TFEC: variants seen among roughly 807,000 people sequenced by gnomAD.
The protein encoded by TFEC is class E basic helix-loop-helix protein 34.
A neutral mutation model predicts 41.6 loss-of-function variants in TFEC; 31 were observed. The ratio of observed to expected loss-of-function variants is 0.74; its 90% CI spans 0.56 to 1.01. TFEC has a LOEUF of 1.01. TFEC is among the 50% of genes least tolerant of loss of function. The probability of loss-of-function intolerance (pLI) is 0.00; values close to 1 mark genes in which losing one functional copy is unlikely to be tolerated. For missense variants in TFEC, 402 were observed against 404.1 expected, an observed-to-expected ratio of 0.99 and a Z score of 0.04; for synonymous variants, 143 against 140.6, an observed-to-expected ratio of 1.02 and a Z score of -0.12.
chr7:116,107,139 C>CTT (rs1249208265), intron 3 of TFEC, among the ~76,000 whole-genome samples: 1 of 152,104 alleles, frequency 6.6e-6, no homozygotes, highest in Admixed American at 6.6e-5. Context: ...GAAGACTTAA[C>CTT]TAAGACAAGA....
At chr7:116,098,867 A>AAAGGAAGGAAGGAAGGAAGGAAGG (rs59276209) in intron 3 of TFEC, among the ~76,000 whole-genome samples, 8 of 115,114 alleles carry the variant, frequency 6.9e-5, no homozygotes, top group East Asian at 2.6e-4. Flanking sequence ...GAGAGGAAGA[A>AAAGGAAGGAAGGAAGGAAGGAAGG]AAGGAAGGAA....
chr7:116,060,069 C>T (rs994505692), intron 3 of TFEC, among the ~76,000 whole-genome samples: 4 of 152,032 alleles, frequency 2.6e-5, no homozygotes, highest in East Asian at 1.9e-4. Flanking sequence ...AAAAACCCAA[C>T]TGAATCTACA....
At chr7:116,120,157 G>C (rs1160950591) in intron 1 of TFEC, 1 of 151,880 alleles carries the variant, frequency 6.6e-6, no homozygotes, top group East Asian at 1.9e-4. Context: ...TGGTATAACA[G>C]GGAGTCAAAT....
At chr7:116,106,160 C>A (rs1204801874) in intron 3 of TFEC, among the ~76,000 whole-genome samples, 1 of 152,188 alleles carries the variant, frequency 6.6e-6, no homozygotes, top group East Asian at 1.9e-4. Flanking sequence ...TAAAGAATAT[C>A]TCTTATTTTA....
chr7:115,947,619 G>A (rs1791671341), intron 6 of TFEC, among the ~76,000 whole-genome samples: 2 of 151,332 alleles, frequency 1.3e-5, no homozygotes, highest in African/African-American at 4.8e-5. Flanking sequence ...ATTCTAACTG[G>A]TGTGAGATGG....
At chr7:116,037,548 T>C (rs546673809) in intron 3 of TFEC, among the ~76,000 whole-genome samples, 44 of 152,166 alleles carry the variant, frequency 2.9e-4, no homozygotes, top group African/African-American at 1.0e-3. Context: ...AGTCAGATTT[T>C]ATTACCAGTT....
chr7:115,970,553 G>A (rs1036949805), intron 3 of TFEC, among the ~76,000 whole-genome samples: 1 of 151,908 alleles, frequency 6.6e-6, no homozygotes, highest in Admixed American at 6.6e-5. Context: ...TGCTTTTAGT[G>A]AGTGTTATTA....
intron 1 of TFEC, among the ~76,000 whole-genome samples, chr7:116,006,955 G>A (rs1006281537): frequency 6.6e-6 from 1 of 152,092 alleles, no homozygotes. Context: ...CATGTGAGAT[G>A]TGTCTTTCAC....
At chr7:116,137,887 T>G (rs1469733066) in intron 1 of TFEC, among the ~76,000 whole-genome samples, 1 of 151,118 alleles carries the variant, frequency 6.6e-6, no homozygotes, top group African/African-American at 2.5e-5. Context: ...AAAATATTAA[T>G]AAATAAATAA....
At chr7:116,128,930 T>C (rs981985070) in intron 1 of TFEC, among the ~76,000 whole-genome samples, 6 of 151,864 alleles carry the variant, frequency 4.0e-5, no homozygotes, top group Admixed American at 2.6e-4. Context: ...AAAAAGACAA[T>C]AGAAGTAAGT....
intron 1 of TFEC, among the ~76,000 whole-genome samples, chr7:115,992,117 G>A (rs536407023): frequency 7.9e-5 from 12 of 152,144 alleles, no homozygotes; most frequent in East Asian, 5.8e-4. Context: ...CTGGGTACAC[G>A]ACGAAATGAA....
intron 1 of TFEC, among the ~76,000 whole-genome samples, chr7:116,027,687 A>G (rs899392101): frequency 6.6e-6 from 1 of 152,240 alleles, no homozygotes. Flanking sequence ...TTTGTGCAAG[A>G]AAGAATAAAG....
chr7:116,015,381 T>C (rs1421586336), intron 1 of TFEC, among the ~76,000 whole-genome samples: 1 of 152,120 alleles, frequency 6.6e-6, no homozygotes, highest in Non-Finnish European at 1.5e-5. Context: ...TCCCTTTCTT[T>C]CTCAGCATGA....
intron 3 of TFEC, among the ~76,000 whole-genome samples, chr7:116,098,269 C>T (rs1422015697): frequency 6.6e-6 from 1 of 152,088 alleles, no homozygotes. Context: ...AAGCGATTCT[C>T]CTGCCTCAGT....
intron 1 of TFEC, among the ~76,000 whole-genome samples, chr7:116,124,903 G>A (rs1342648692): frequency 6.6e-6 from 1 of 152,152 alleles, no homozygotes; most frequent in African/African-American, 2.4e-5. Flanking sequence ...CAAATGGCCT[G>A]CATTATATCC....
At chr7:116,054,656 T>A (rs983523829) in intron 3 of TFEC, among the ~76,000 whole-genome samples, 1 of 152,166 alleles carries the variant, frequency 6.6e-6, no homozygotes, top group Non-Finnish European at 1.5e-5. Context: ...TTTTTTTAAA[T>A]GAATATTTTT....
At chr7:116,135,149 G>C (rs1028262292) in intron 1 of TFEC, among the ~76,000 whole-genome samples, 3 of 152,022 alleles carry the variant, frequency 2.0e-5, no homozygotes, top group African/African-American at 4.8e-5. Context: ...GAGCCACCGT[G>C]TACCATTTCA....
rs562307377 is a variant in TFEC, at chr7:115,961,109, A to G, written c.268-4316T>C. The stretch of plus-strand genomic sequence containing the variant: ...AAAAGTCAAGCAGACAAAAATAATC[A>G]GTAATGCTACAGAAGACTGGAACAA... On this transcript the variant is annotated intron_variant, in intron 3 of 7. Transcript: ENST00000265440. Among the ~76,000 whole-genome samples, 252 of 151,846 alleles carry G rather than the reference A, an allele frequency of 1.7e-3. 1 individual carries two copies. The highest frequency in any genetic ancestry group is 5.8e-3 in the African/African-American group (241 of 41,512).
chr7:116,054,302 G>A lies in TFEC; in HGVS notation c.198+56406C>T. ...AGAAAATTAGGAAGGGTTGGTTGGA[G>A]AGTGGAAGGCTTGAAATTAAAGATT... On this transcript the variant is annotated intron_variant, in intron 3 of 8. Transcript: ENST00000484212. 1.3e-5 allele frequency among the ~76,000 whole-genome samples: 2 copies of A among 152,148 alleles called. 1 individual carries two copies. Among genetic ancestry groups the A allele is most frequent in the Non-Finnish European group, 2.9e-5 (2 of 68,014 alleles).
Sources: gnomAD v4.1 joint callset for allele counts (sites outside exome capture counted in the v4.1 genomes callset) on GRCh38, gnomAD v4.1.1 for gene constraint, MANE v1.5 for transcripts, NCBI Gene and HGNC (gene_info 2026-07-23, HGNC 2026-07-21) for gene names.